Variants in CERT1 observed in about 807,000 individuals in gnomAD.
CERT1 encodes ceramide transporter 1.
CERT1 carries 31 observed loss-of-function variants against 87.9 expected under a neutral mutation model. The ratio of observed to expected loss-of-function variants is 0.35; its 90% CI spans 0.27 to 0.48. The LOEUF (loss-of-function observed/expected upper bound fraction) is 0.48. CERT1 is among the 20% of genes least tolerant of loss of function. CERT1 has a pLI of 0.99. For missense variants in CERT1, 487 were observed against 758.0 expected (o/e 0.64, Z 4.20); for synonymous variants, 289 against 250.9 (o/e 1.15, Z -1.44).
chr5:75,417,389 T>G (rs1763176358), intron 6 of CERT1, among the ~76,000 whole-genome samples: 1 of 152,100 alleles, frequency 6.6e-6, no homozygotes, highest in Non-Finnish European at 1.5e-5. Flanking sequence ...TTGAAAAGCC[T>G]AGAATTAAAA....
At chr5:75,501,548 G>A (rs753921934) in intron 2 of CERT1, among the ~76,000 whole-genome samples, 1 of 152,134 alleles carries the variant, frequency 6.6e-6, no homozygotes, top group Non-Finnish European at 1.5e-5. Context: ...TTTAGTAACT[G>A]CAAATAAATT....
chr5:75,505,165 T>C (rs1005288786), intron 2 of CERT1: 1 of 152,244 alleles, frequency 6.6e-6, no homozygotes, highest in Non-Finnish European at 1.5e-5. Flanking sequence ...CACGTGGCTA[T>C]AGTCCCAGCT....
At chr5:75,374,743 T>C, downstream of CERT1, 1 of 569,646 alleles carries the variant, frequency 1.8e-6, no homozygotes, top group Admixed American at 1.9e-5. Flanking sequence ...AGGAGAAGGA[T>C]CGAACACCTC....
intron 3 of CERT1, among the ~76,000 whole-genome samples, chr5:75,456,762 TTTG>T (rs1233810852): frequency 6.6e-6 from 1 of 151,388 alleles, no homozygotes. Context: ...TCACTCAAAA[TTTG>T]TTATCTCAGC....
rs1196108453 is a variant in CERT1 at position 75,474,685 on chromosome 5, G to T, written c.232-15504C>A. On this transcript the variant is annotated intron_variant, in intron 2 of 16. Transcript: ENST00000643780. The stretch of plus-strand genomic sequence containing the variant: ...TGTTAGGAAAACTGGATATCCACAT[G>T]CAGAACAATGAAATTAAATGCTTAC... Among the ~76,000 whole-genome samples the T allele has an allele frequency of 3.3e-5, 5 of 152,152 alleles. No homozygotes were observed. The East Asian group carries it at 9.7e-4, about 30-fold the overall frequency.
At chr5:75,387,899 AGTT>A in intron 12 of CERT1, among the ~76,000 whole-genome samples, 1 of 152,278 alleles carries the variant, frequency 6.6e-6, no homozygotes, top group East Asian at 1.9e-4. Flanking sequence ...CTGTAGGAGT[AGTT>A]ATTTTCTATT....
rs944078639 is a variant in CERT1, at chr5:75,408,205, C to T, written c.930+2806G>A. ...AACCTATGTGATATAGTAGGAGACACGATAAGGGTAATCACTCTAGCACTT... is the reference window on the plus strand; with the variant it reads ...AACCTATGTGATATAGTAGGAGACATGATAAGGGTAATCACTCTAGCACTT... On this transcript the variant is annotated intron_variant, in intron 8 of 16. Coordinates refer to ENST00000643780, the MANE Select transcript of CERT1 (RefSeq NM_001379029.1). Among the ~76,000 whole-genome samples, 7 of 152,034 alleles carry T rather than the reference C, an allele frequency of 4.6e-5. No individual in the cohort carries two copies. The South Asian group carries it at 1.0e-3, about 23-fold the overall frequency.
At chr5:75,436,125 C>T (rs534905709) in intron 3 of CERT1, among the ~76,000 whole-genome samples, 4 of 152,302 alleles carry the variant, frequency 2.6e-5, no homozygotes, top group South Asian at 2.1e-4. Flanking sequence ...CTCCACCTCC[C>T]GGGTTCACGC....
intron 2 of CERT1, among the ~76,000 whole-genome samples, chr5:75,462,903 A>T (rs959747765): frequency 4.0e-5 from 6 of 151,070 alleles, no homozygotes; most frequent in African/African-American, 1.2e-4. Flanking sequence ...GAGGCAGGAG[A>T]ATCACTTGAA....
At chr5:75,408,639 G>T (rs928273946) in intron 8 of CERT1, among the ~76,000 whole-genome samples, 1 of 152,146 alleles carries the variant, frequency 6.6e-6, no homozygotes, top group Non-Finnish European at 1.5e-5. Context: ...AAGGTTGGGA[G>T]GGAGGGGTGA....
chr5:75,438,317 C>G (rs1764179820), intron 3 of CERT1, among the ~76,000 whole-genome samples: 2 of 152,136 alleles, frequency 1.3e-5, no homozygotes, highest in African/African-American at 2.4e-5. Flanking sequence ...TAACACATCT[C>G]TTTGGCTTCT....
intron 5 of CERT1, 75 bp downstream of exon 5, chr5:75,425,286 C>CATT (rs1561253422): frequency 3.5e-6 from 5 of 1,418,974 alleles, no homozygotes; most frequent in Non-Finnish European, 4.9e-6. Flanking sequence ...CACTTAAAGA[C>CATT]ATTACCCTTT....
chr5:75,499,175 G>A (rs1481567668), intron 2 of CERT1, among the ~76,000 whole-genome samples: 1 of 152,232 alleles, frequency 6.6e-6, no homozygotes, highest in African/African-American at 2.4e-5. Context: ...AGGTGGAGGG[G>A]ACTTGCCTTG....
chr5:75,371,435 T>C (rs1205116610), intron 17 of CERT1: 1 of 152,208 alleles, frequency 6.6e-6, no homozygotes, highest in Non-Finnish European at 1.5e-5. Flanking sequence ...AATTTCTTAA[T>C]AGCAATTGAC....
At chr5:75,407,653 GATGGAGCT>G (rs1184930432) in intron 8 of CERT1, among the ~76,000 whole-genome samples, 1 of 152,086 alleles carries the variant, frequency 6.6e-6, no homozygotes, top group Non-Finnish European at 1.5e-5. Flanking sequence ...CAGCAACATG[GATGGAGCT>G]GGAGGCCATT....
chr5:75,442,725 G>A (rs1341764771), intron 3 of CERT1, among the ~76,000 whole-genome samples: 1 of 152,062 alleles, frequency 6.6e-6, no homozygotes, highest in Non-Finnish European at 1.5e-5. Flanking sequence ...AAAAATAGGT[G>A]AGTATAGCAC....
At chr5:75,370,622 A>G (rs2111937702) in intron 17 of CERT1, 1 of 152,244 alleles carries the variant, frequency 6.6e-6, no homozygotes, top group South Asian at 2.1e-4. Context: ...ATTACATGTC[A>G]TGTACTTGAT....
chr5:75,386,184 A>T, intron 12 of CERT1, 150 bp from the exon 13 acceptor site: 1 of 553,236 alleles, frequency 1.8e-6, no homozygotes, highest in Non-Finnish European at 2.7e-6. Context: ...AAAAATTTCA[A>T]ATTAACAGAC....
At chr5:75,456,543 G>A (rs556245870) in intron 3 of CERT1, among the ~76,000 whole-genome samples, 91 of 151,476 alleles carry the variant, frequency 6.0e-4, no homozygotes, top group Non-Finnish European at 5.5e-4. Context: ...GCACGGTGGT[G>A]CATGCCTGTA....
Sources: gnomAD v4.1 joint callset for allele counts (sites outside exome capture counted in the v4.1 genomes callset) on GRCh38, gnomAD v4.1.1 for gene constraint, MANE v1.5 for transcripts, NCBI Gene and HGNC (gene_info 2026-07-23, HGNC 2026-07-21) for gene names.